The following ASB2 variants were observed in gnomAD, a reference collection of about 807,000 sequenced individuals.
ASB2 encodes ankyrin repeat and SOCS box containing 2.
ASB2 carries 58 observed loss-of-function variants against 62.4 expected under a neutral mutation model. The ratio of observed to expected loss-of-function variants is 0.93; its 90% CI spans 0.75 to 1.16. The LOEUF is 1.16. ASB2 is among the 50% of genes most tolerant of loss of function. The pLI, the probability that ASB2 is intolerant of heterozygous loss-of-function variation, is 0.00. For synonymous variants in ASB2, 386 were observed against 385.3 expected (o/e 1.00, Z -0.02); for missense variants, 928 against 887.9 (o/e 1.05, Z -0.57).
chr14:93,974,401 C>T (rs1282756401), intron 1 of ASB2, among the ~76,000 whole-genome samples: 1 of 152,240 alleles, frequency 6.6e-6, no homozygotes, highest in Non-Finnish European at 1.5e-5. Context: ...ACAAGCCACT[C>T]CTGTGACAGC....
In ASB2 at chr14:93,939,114, C is replaced by G. The variant is rs201152950; in HGVS notation, c.1611G>C (p.Val537=). 6.7e-7 allele frequency: 1 copy of G among 1,499,340 alleles called. No individual in the cohort carries two copies. Among genetic ancestry groups the G allele is most frequent in the African/African-American group, 1.4e-5 (1 of 71,684 alleles). 92.9% of individuals were successfully genotyped at this position (1,499,340 alleles called of 1,614,324 possible). A position where few individuals can be genotyped will look rare whatever the true frequency, so the allele number is the denominator to read the frequency against. ...DAPAADKEPS[V]VQFCEFVSAP... Reference sequence around the variant, plus strand: ...GCCAGCGTGCGCTGCCCACCTGCACCACGCTGGGCTCCTTGTCGGCCGCGG... The same window carrying G: ...GCCAGCGTGCGCTGCCCACCTGCACGACGCTGGGCTCCTTGTCGGCCGCGG... Residue 537 remains valine (V), a synonymous_variant, in exon 8 of 10, where the codon GTG becomes GTC. Coordinates refer to ENST00000555019, the MANE Select transcript of ASB2 (RefSeq NM_001202429.2).
intron 7 of ASB2, among the ~76,000 whole-genome samples, chr14:93,945,119 TTC>T (rs1021776098): frequency 9.9e-5 from 15 of 152,248 alleles, no homozygotes; most frequent in African/African-American, 4.8e-5. Context: ...CTCCTGGAGA[TTC>T]TGATTCACCG....
intron 1 of ASB2, among the ~76,000 whole-genome samples, chr14:93,968,631 C>T (rs1889664270): frequency 6.6e-6 from 1 of 152,216 alleles, no homozygotes; most frequent in African/African-American, 2.4e-5. Context: ...TATATCTGTG[C>T]CCTGGGCACC....
intron 7 of ASB2, among the ~76,000 whole-genome samples, chr14:93,943,346 T>C (rs968916201): frequency 1.2e-4 from 18 of 152,302 alleles, no homozygotes; most frequent in Middle Eastern, 6.8e-3. Flanking sequence ...CAGTGTTCAA[T>C]GTAAATTTGG....
intron 5 of ASB2, among the ~76,000 whole-genome samples, chr14:93,951,557 C>T (rs538082715): frequency 5.1e-4 from 77 of 152,278 alleles, no homozygotes; most frequent in Non-Finnish European, 5.3e-4. Flanking sequence ...TGATGTTATC[C>T]CCTTTCACAG....
chr14:93,937,518 C>G (rs986967499), intron 9 of ASB2, among the ~76,000 whole-genome samples, 180 bp downstream of exon 9: 1 of 152,208 alleles, frequency 6.6e-6, no homozygotes, highest in Admixed American at 6.5e-5. Flanking sequence ...CTAACTGTGA[C>G]TTTGGCCCAG....
chr14:93,939,774 T>G (rs1202781618), intron 7 of ASB2, 102 bp from the exon 8 acceptor site: 1 of 975,140 alleles, frequency 1.0e-6, no homozygotes, highest in Non-Finnish European at 1.4e-6. Context: ...GCTCGGCTGG[T>G]CGCCCTGACC....
rs1176445519 is a variant in ASB2, at chr14:93,952,561, T to C, written c.634+791A>G. On this transcript the variant is annotated intron_variant, in intron 5 of 9. Transcript: ENST00000555019. ...AGCTGATTGCTTCAGCATGTAGGCA[T>C]GGACAGGATGCTTTAGAATGTAGTA... Among the ~76,000 whole-genome samples, 3 of 152,218 alleles carry C rather than the reference T, an allele frequency of 2.0e-5. No homozygotes were observed. The East Asian group carries it at 5.8e-4, about 29-fold the overall frequency.
intron 8 of ASB2, 68 bp downstream of exon 8, chr14:93,939,040 C>T (rs1888389390): frequency 7.5e-7 from 1 of 1,335,686 alleles, no homozygotes; most frequent in Non-Finnish European, 9.7e-7. Flanking sequence ...GCCCGCCTCC[C>T]ATGCGCGCGC....
At position 93,954,360 on chromosome 14, in the gene ASB2, G is replaced by A. The variant is rs145111375; in HGVS notation, c.435C>T (p.Ala145=). The A allele has an allele frequency of 1.2e-4, 196 of 1,613,736 alleles. No homozygotes were observed. The highest frequency in any genetic ancestry group is 2.0e-4 in the South Asian group (18 of 91,078). ...GGCAGCCCACCTGGCCATAGTATGC[G>A]GCCTCGTGCAGCGGCAGCCAGCCCT... ...NKEGWLPLHE[A]AYYGQVGCLK... is the part of the protein sequence containing the mutation. Residue 145 remains alanine, a synonymous_variant, in exon 4 of 10, where the codon GCC becomes GCT. Transcript: ENST00000555019.
intron 9 of ASB2, among the ~76,000 whole-genome samples, 167 bp downstream of exon 9, chr14:93,937,531 G>A (rs912278637): frequency 2.0e-4 from 31 of 152,204 alleles, no homozygotes; most frequent in African/African-American, 6.5e-4. Context: ...TGGCCCAGGT[G>A]GCACAGCTCT....
chr14:93,951,037 C>T lies in ASB2; in HGVS notation c.842G>A (p.Ser281Asn), dbSNP rs753924566. The change falls in exon 6 of 10, where the codon AGT (serine) becomes AAT (asparagine). Residue 281 changes from serine (S) to asparagine (N), a missense_variant. Transcript: ENST00000555019. ...GITPLFVAAQ[S>N]GQLEALRFLA... ...GAACCTCAAGGCCTCCAACTGTCCA[C>T]TCTGGGCGGCCACGAACAAGGGGGT... 5.6e-6 allele frequency: 9 copies of T among 1,614,138 alleles called. No individual in the cohort carries two copies. Among genetic ancestry groups the T allele is most frequent in the African/African-American group, 1.3e-5 (1 of 75,066 alleles).
At chr14:93,950,455 A>G (rs567565558) in intron 6 of ASB2, among the ~76,000 whole-genome samples, 1 of 152,372 alleles carries the variant, frequency 6.6e-6, no homozygotes, top group East Asian at 1.9e-4. Flanking sequence ...TTCAAGTCCC[A>G]GCTCTGCCAC....
intron 1 of ASB2, among the ~76,000 whole-genome samples, chr14:93,968,606 C>T (rs905202886): frequency 1.8e-4 from 27 of 152,222 alleles, no homozygotes; most frequent in African/African-American, 6.3e-4. Flanking sequence ...CCCAGCTGCC[C>T]AGCACCCCCT....
At chr14:93,943,266 G>A (rs1028458175) in intron 7 of ASB2, among the ~76,000 whole-genome samples, 4 of 152,198 alleles carry the variant, frequency 2.6e-5, no homozygotes, top group Admixed American at 2.0e-4. Context: ...CACAACTGCA[G>A]CCTACTGCCC....
At chr14:93,960,151 G>A (rs1595328947) in intron 2 of ASB2, among the ~76,000 whole-genome samples, 2 of 152,210 alleles carry the variant, frequency 1.3e-5, no homozygotes, top group South Asian at 4.1e-4. Flanking sequence ...TTGCAAATGA[G>A]AGAACTGAGG....
intron 7 of ASB2, among the ~76,000 whole-genome samples, chr14:93,945,062 T>C (rs549180713): frequency 6.6e-6 from 1 of 152,344 alleles, no homozygotes; most frequent in Admixed American, 6.5e-5. Flanking sequence ...ACAGGCTGTA[T>C]CTGATTTGCT....
chr14:93,975,993 G>A (rs530475369), intron 1 of ASB2, among the ~76,000 whole-genome samples: 7 of 152,294 alleles, frequency 4.6e-5, no homozygotes, highest in Admixed American at 2.6e-4. Flanking sequence ...CCACAATACC[G>A]TGCATGCCTA....
chr14:93,941,509 A>G, intron 7 of ASB2: 1 of 372,858 alleles, frequency 2.7e-6, no homozygotes, highest in South Asian at 2.0e-5. Context: ...AAAACCTCAA[A>G]AGGAAATTCA....
Sources: allele counts gnomAD v4.1 joint callset (sites outside exome capture counted in the v4.1 genomes callset), GRCh38; gene constraint gnomAD v4.1.1; transcripts MANE v1.5; gene names NCBI Gene and HGNC (gene_info 2026-07-23, HGNC 2026-07-21).